TNR: variants seen among roughly 807,000 people sequenced by gnomAD.
The protein encoded by TNR is tenascin-R.
TNR carries 45 observed loss-of-function variants against 150.4 expected under a neutral mutation model. The ratio of observed to expected loss-of-function variants is 0.30; its 90% CI spans 0.24 to 0.38. TNR has a LOEUF of 0.38. Among genes scored for constraint, TNR ranks in the 10% least tolerant of loss-of-function variants. TNR has a pLI of 1.00. For synonymous variants in TNR, 687 were observed against 678.4 expected (o/e 1.01, Z -0.20); for missense variants, 1,544 against 1,759.1 (o/e 0.88, Z 2.19).
chr1:175,410,836 T>C (rs1465721804), intron 2 of TNR, among the ~76,000 whole-genome samples: 1 of 152,160 alleles, frequency 6.6e-6, no homozygotes, highest in Admixed American at 6.5e-5. Flanking sequence ...GGACATGTCA[T>C]GTGAGAACAT....
Position 175,367,240 on chromosome 1 carries a change from T to G in TNR, c.2021A>C (p.Gln674Pro), listed in dbSNP as rs779872613. 4.3e-6 allele frequency: 7 copies of G among 1,614,200 alleles called. No homozygotes were observed. In the South Asian group the frequency reaches 4.4e-5, roughly 10 times the overall value. Residue 674 changes from glutamine to proline, a missense_variant, in exon 10 of 23, where the codon CAA (glutamine) becomes CCA (proline). This residue lies in a region of TNR where 1,254 missense variants were observed against 1,329.4 expected (regional missense o/e 0.94). Coordinates refer to ENST00000367674, the MANE Select transcript of TNR (RefSeq NM_003285.3). Reference protein sequence around the residue: ...VGISAVMNSQQSVPATMNART... With the variant: ...VGISAVMNSQPSVPATMNART... ...GGCATTCATGGTGGCTGGCACGCTT[T>G]GCTGTGAGTTCATGACGGCAGATAT...
At position 175,522,500 on chromosome 1, in the gene TNR, C is replaced by T. The variant is rs896530275; in HGVS notation, c.-64+5769G>A. Among the ~76,000 whole-genome samples the T allele has an allele frequency of 2.6e-5, 4 of 152,234 alleles. 1 individual carries two copies. On this transcript the variant is annotated intron_variant, in intron 2 of 22. Transcript: ENST00000367674. ...TGCCCCAAAATCTCACAAATCACCACTAAAGAACTTACTCATGTAACCAAA... is the reference window on the plus strand; with the variant it reads ...TGCCCCAAAATCTCACAAATCACCATTAAAGAACTTACTCATGTAACCAAA...
chr1:175,717,612 A>C (rs1667188855), intron 1 of TNR, among the ~76,000 whole-genome samples: 1 of 152,212 alleles, frequency 6.6e-6, no homozygotes, highest in African/African-American at 2.4e-5. Flanking sequence ...TCCTGAAAAT[A>C]ATTTCAAATT....
At chr1:175,490,952 A>C (rs1658220219) in intron 2 of TNR, among the ~76,000 whole-genome samples, 1 of 152,234 alleles carries the variant, frequency 6.6e-6, no homozygotes, top group Non-Finnish European at 1.5e-5. Flanking sequence ...CACAATAGCA[A>C]AGACATATAA....
chr1:175,724,933 G>T (rs1442843623), intron 1 of TNR, among the ~76,000 whole-genome samples: 1 of 152,112 alleles, frequency 6.6e-6, no homozygotes, highest in Non-Finnish European at 1.5e-5. Context: ...GGGAGTGTGG[G>T]GAACTCAGAA....
chr1:175,691,532 G>A (rs1666369168), intron 1 of TNR, among the ~76,000 whole-genome samples: 1 of 152,030 alleles, frequency 6.6e-6, no homozygotes, highest in Non-Finnish European at 1.5e-5. Flanking sequence ...TACCCACTGT[G>A]TTCCTTAACA....
intron 10 of TNR, among the ~76,000 whole-genome samples, chr1:175,366,927 T>G (rs77163678): frequency 6.6e-6 from 1 of 152,140 alleles, no homozygotes; most frequent in Non-Finnish European, 1.5e-5. Context: ...GGCATCAACC[T>G]ATTTAGGATT....
intron 2 of TNR, among the ~76,000 whole-genome samples, chr1:175,415,925 G>C (rs932996490): frequency 1.3e-5 from 2 of 152,150 alleles, no homozygotes; most frequent in African/African-American, 4.8e-5. Context: ...AAATCTTACT[G>C]CTGGGGGTGG....
At chr1:175,512,306 A>G (rs1557978558) in intron 2 of TNR, among the ~76,000 whole-genome samples, 1 of 152,232 alleles carries the variant, frequency 6.6e-6, no homozygotes, top group African/African-American at 2.4e-5. Flanking sequence ...TTTCAATGAG[A>G]CTGATTCTAA....
At chr1:175,726,745 A>T (rs1332912580) in intron 1 of TNR, among the ~76,000 whole-genome samples, 1 of 152,274 alleles carries the variant, frequency 6.6e-6, no homozygotes, top group East Asian at 1.9e-4. Context: ...ATGTGATCAC[A>T]AATTATTGCA....
chr1:175,484,862 C>T (rs965407069), intron 2 of TNR, among the ~76,000 whole-genome samples: 1 of 152,152 alleles, frequency 6.6e-6, no homozygotes, highest in African/African-American at 2.4e-5. Context: ...TTCGATAGAG[C>T]TTCAGAGAGT....
rs192066249 is a variant in TNR, at chr1:175,502,973, G to A, written c.-64+25296C>T. On this transcript the variant is annotated intron_variant, in intron 2 of 22. Transcript: ENST00000367674. Reference sequence around the variant, plus strand: ...AATTATCCCATAAATATTAGAGCAGGGTTTGAGTGCCTGACACAGGATCTT... The same window carrying A: ...AATTATCCCATAAATATTAGAGCAGAGTTTGAGTGCCTGACACAGGATCTT... Among the ~76,000 whole-genome samples, 69 of 147,836 alleles carry A rather than the reference G, an allele frequency of 4.7e-4. 1 individual carries two copies. Among genetic ancestry groups the A allele is most frequent in the Admixed American group, 1.5e-3 (23 of 15,084 alleles).
intron 1 of TNR, among the ~76,000 whole-genome samples, chr1:175,563,462 G>C (rs962703662): frequency 2.6e-5 from 4 of 152,186 alleles, no homozygotes; most frequent in African/African-American, 9.6e-5. Flanking sequence ...GCCTATCAAA[G>C]GGTATTAAAA....
intron 10 of TNR, among the ~76,000 whole-genome samples, chr1:175,366,933 G>A (rs1017100187): frequency 6.6e-6 from 1 of 152,158 alleles, no homozygotes; most frequent in Non-Finnish European, 1.5e-5. Flanking sequence ...AACCTATTTA[G>A]GATTTTCCAC....
chr1:175,439,184 C>T (rs1171440917), intron 2 of TNR, among the ~76,000 whole-genome samples: 41 of 151,820 alleles, frequency 2.7e-4, no homozygotes, highest in African/African-American at 9.2e-4. Context: ...GAGATATAGA[C>T]CAATGGAACA....
At chr1:175,591,189 T>C (rs1662783495) in intron 1 of TNR, among the ~76,000 whole-genome samples, 1 of 152,214 alleles carries the variant, frequency 6.6e-6, no homozygotes, top group African/African-American at 2.4e-5. Context: ...TTCACTCCTC[T>C]GTATGAATGC....
intron 2 of TNR, among the ~76,000 whole-genome samples, chr1:175,510,931 C>T (rs189442632): frequency 6.6e-6 from 1 of 152,268 alleles, no homozygotes; most frequent in African/African-American, 2.4e-5. Flanking sequence ...CACATTAAGA[C>T]TAGTTTAGAG....
At chr1:175,689,370 GTT>G (rs34836779) in intron 1 of TNR, among the ~76,000 whole-genome samples, 4 of 152,008 alleles carry the variant, frequency 2.6e-5, no homozygotes. Context: ...TCTACCCCAG[GTT>G]TTTTTCCCCA....
chr1:175,735,519 G>C (rs1667748590), intron 1 of TNR, among the ~76,000 whole-genome samples: 1 of 152,184 alleles, frequency 6.6e-6, no homozygotes, highest in African/African-American at 2.4e-5. Flanking sequence ...CCAGCACTCA[G>C]TGGCCACAAG....
Sources: allele counts gnomAD v4.1 joint callset (sites outside exome capture counted in the v4.1 genomes callset), GRCh38; gene constraint gnomAD v4.1.1; regional missense constraint gnomAD v4.1.1; transcripts MANE v1.5; gene names NCBI Gene and HGNC (gene_info 2026-07-23, HGNC 2026-07-21).